The following DCDC1 variants were observed in gnomAD, a reference collection of about 807,000 sequenced individuals.
DCDC1 encodes doublecortin domain-containing protein 1.
A neutral mutation model predicts 178.3 loss-of-function variants in DCDC1; 200 were observed. The ratio of observed to expected loss-of-function variants is 1.12; its 90% CI spans 1.00 to 1.26. The LOEUF (loss-of-function observed/expected upper bound fraction) is 1.26. DCDC1 is among the 50% of genes most tolerant of loss of function. The probability of loss-of-function intolerance (pLI) is 0.00; values close to 1 mark genes in which losing one functional copy is unlikely to be tolerated. For missense variants in DCDC1, 1,983 were observed against 1,749.2 expected, an observed-to-expected ratio of 1.13 and a Z score of -2.38; for synonymous variants, 690 against 604.8, an observed-to-expected ratio of 1.14 and a Z score of -2.07.
At chr11:31,304,705 C>T (rs1948339568) in intron 6 of DCDC1, among the ~76,000 whole-genome samples, 1 of 152,114 alleles carries the variant, frequency 6.6e-6, no homozygotes, top group South Asian at 2.1e-4. Flanking sequence ...TATGCAATTA[C>T]TGCCTAGACT....
At chr11:31,191,625 T>C (rs1970140967) in intron 9 of DCDC1, among the ~76,000 whole-genome samples, 1 of 151,930 alleles carries the variant, frequency 6.6e-6, no homozygotes. Flanking sequence ...GTGTGGGTGG[T>C]AGGGGGTGGG....
At chr11:30,878,825 C>T (rs1942384971) in intron 37 of DCDC1, 114 bp from the exon 38 acceptor site, 5 of 930,876 alleles carry the variant, frequency 5.4e-6, no homozygotes, top group Admixed American at 3.3e-5. Flanking sequence ...TGGCTCCCAC[C>T]CTGGGCTCTC....
intron 8 of DCDC1, among the ~76,000 whole-genome samples, chr11:31,247,809 T>C (rs1943680797): frequency 6.6e-6 from 1 of 152,118 alleles, no homozygotes; most frequent in Non-Finnish European, 1.5e-5. Flanking sequence ...CTGATCTTTC[T>C]TTCCCCTTCA....
chr11:31,168,880 GTTAA>G (rs894123216), intron 9 of DCDC1, among the ~76,000 whole-genome samples: 16 of 152,092 alleles, frequency 1.1e-4, no homozygotes, highest in South Asian at 2.1e-4. Context: ...ATTTTATTAG[GTTAA>G]TTAATTGTTG....
chr11:31,301,230 G>A (rs1351036062), intron 6 of DCDC1, among the ~76,000 whole-genome samples: 2 of 152,070 alleles, frequency 1.3e-5, no homozygotes, highest in Admixed American at 1.3e-4. Context: ...TAGAAAAGTG[G>A]AAGTTAAAAT....
intron 8 of DCDC1, among the ~76,000 whole-genome samples, chr11:31,248,466 AC>A (rs1374375584): frequency 2.0e-5 from 3 of 152,092 alleles, no homozygotes; most frequent in African/African-American, 7.2e-5. Context: ...GATGTAGTTA[AC>A]CTTTTTGTTC....
chr11:31,324,553 A>G (rs185496092), intron 3 of DCDC1, among the ~76,000 whole-genome samples: 181 of 152,222 alleles, frequency 1.2e-3, no homozygotes, highest in African/African-American at 4.1e-3. Flanking sequence ...AAAATTATGA[A>G]CTGGAGAAAA....
intron 9 of DCDC1, among the ~76,000 whole-genome samples, chr11:31,207,825 C>T (rs2554051): frequency 1.3e-5 from 2 of 152,078 alleles, no homozygotes; most frequent in Non-Finnish European, 2.9e-5. Context: ...CTCACCACAC[C>T]GTCCAAAGTG....
At chr11:31,361,496 T>G (rs1461116832) in intron 1 of DCDC1, among the ~76,000 whole-genome samples, 1 of 152,188 alleles carries the variant, frequency 6.6e-6, no homozygotes, top group Non-Finnish European at 1.5e-5. Context: ...CATCTTTTTT[T>G]TTAAGACAAG....
At chr11:31,355,922 G>A (rs559943581) in intron 1 of DCDC1, among the ~76,000 whole-genome samples, 3 of 152,142 alleles carry the variant, frequency 2.0e-5, no homozygotes, top group African/African-American at 7.2e-5. Context: ...TTCAATCAGG[G>A]ATGCTCCCAG....
At chr11:31,290,409 GCTAA>G (rs975945879) in intron 7 of DCDC1, among the ~76,000 whole-genome samples, 9 of 151,938 alleles carry the variant, frequency 5.9e-5, no homozygotes, top group African/African-American at 9.7e-5. Context: ...TAGGTAAATG[GCTAA>G]CTATGTTAGC....
At chr11:30,938,544 T>C (rs1336448393) in intron 21 of DCDC1, among the ~76,000 whole-genome samples, 1 of 152,114 alleles carries the variant, frequency 6.6e-6, no homozygotes, top group Non-Finnish European at 1.5e-5. Context: ...TTATCCCTTT[T>C]TTCCTTTCTT....
intron 23 of DCDC1, among the ~76,000 whole-genome samples, chr11:30,924,214 A>G (rs72882614): frequency 6.6e-6 from 1 of 152,340 alleles, no homozygotes; most frequent in Non-Finnish European, 1.5e-5. Context: ...AGCAGACCAA[A>G]CAAAAACACT....
chr11:31,088,455 TA>T (rs879884660), intron 17 of DCDC1, among the ~76,000 whole-genome samples: 3 of 152,108 alleles, frequency 2.0e-5, no homozygotes, highest in Non-Finnish European at 4.4e-5. Flanking sequence ...GCTTGTTAGC[TA>T]TAACTCTCTA....
chr11:30,930,081 C>A (rs1244453312), intron 22 of DCDC1, among the ~76,000 whole-genome samples: 1 of 152,100 alleles, frequency 6.6e-6, no homozygotes, highest in Non-Finnish European at 1.5e-5. Flanking sequence ...TGTAGAGACA[C>A]TAAACAGCCC....
intron 20 of DCDC1, among the ~76,000 whole-genome samples, chr11:30,997,627 A>G (rs1419497711): frequency 6.6e-6 from 1 of 152,184 alleles, no homozygotes; most frequent in African/African-American, 2.4e-5. Context: ...TTTTATATTT[A>G]TACTAAAATT....
chr11:30,919,635 G>C (rs1946103501), intron 25 of DCDC1, among the ~76,000 whole-genome samples: 1 of 152,136 alleles, frequency 6.6e-6, no homozygotes, highest in Non-Finnish European at 1.5e-5. Context: ...CATTCTCTCT[G>C]AAAAATGCCT....
chr11:30,981,992 T>C (rs984278426), intron 20 of DCDC1, among the ~76,000 whole-genome samples: 48 of 152,170 alleles, frequency 3.2e-4, no homozygotes, highest in African/African-American at 1.1e-3. Context: ...GAAAATGTAA[T>C]TGCTTATGCC....
At chr11:31,241,349 G>A (rs755482315) in intron 9 of DCDC1, 101 bp downstream of exon 9, 3 of 390,742 alleles carry the variant, frequency 7.7e-6, no homozygotes, top group Non-Finnish European at 1.4e-5. Flanking sequence ...CAAAATACAT[G>A]TCACAGTTCT....
Sources: allele counts gnomAD v4.1 joint callset (sites outside exome capture counted in the v4.1 genomes callset), GRCh38; gene constraint gnomAD v4.1.1; transcripts MANE v1.5; gene names NCBI Gene and HGNC (gene_info 2026-07-23, HGNC 2026-07-21).